CDH7: variants seen among roughly 807,000 people sequenced by gnomAD.
The protein encoded by CDH7 is cadherin 7.
In CDH7, 25 loss-of-function variants were observed where a neutral mutation model predicts 71.8. That is an observed-to-expected ratio of 0.35 (90% CI 0.25 to 0.49). The LOEUF is 0.49. Among genes scored for constraint, CDH7 ranks in the 20% least tolerant of loss-of-function variants. The probability of loss-of-function intolerance (pLI) is 0.99; values close to 1 mark genes in which losing one functional copy is unlikely to be tolerated. For synonymous variants in CDH7, 381 were observed against 363.8 expected (o/e 1.05, Z -0.54); for missense variants, 862 against 974.6 (o/e 0.88, Z 1.54).
intron 8 of CDH7, among the ~76,000 whole-genome samples, chr18:65,858,692 A>C (rs1913451380): frequency 6.6e-6 from 1 of 152,092 alleles, no homozygotes; most frequent in Admixed American, 6.6e-5. Flanking sequence ...ATGTATACAT[A>C]CACATATACG....
Position 65,843,950 on chromosome 18 carries a change from C to T in CDH7, c.1120C>T (p.Pro374Ser). 2 of 1,611,624 alleles carry T rather than the reference C, an allele frequency of 1.2e-6. No individual in the cohort carries two copies. The highest frequency in any genetic ancestry group is 8.5e-7 in the Non-Finnish European group (1 of 1,178,594). ...GATAATTGTGGAAGATGTAGATGAG[C>T]CCCCTGTGTTCTCTTCACCCTTGTA... ...VKIIVEDVDE[P>S]PVFSSPLYPM... Residue 374 changes from proline to serine, a missense_variant, in exon 7 of 12, where the codon CCC becomes TCC. Pro to Ser is a moderately conservative substitution (Grantham distance 74). Transcript: ENST00000397968.
chr18:65,784,481 T>C (rs1203439712), intron 2 of CDH7, among the ~76,000 whole-genome samples: 2 of 152,122 alleles, frequency 1.3e-5, no homozygotes, highest in East Asian at 3.9e-4. Flanking sequence ...GAGAATCAGC[T>C]TCTCACAAAG....
In CDH7 at chr18:65,862,830, A is replaced by T; in HGVS notation, c.1777A>T (p.Thr593Ser). ...CTGTGATGCTGACGGCGTAGCCCAG[A>T]CCTGCAATGCAGAGGCCTATGTCCT... ...CDCDADGVAQTCNAEAYVLPA... is the reference protein window; with the variant it reads ...CDCDADGVAQSCNAEAYVLPA... The change falls in exon 11 of 12, where the codon ACC becomes TCC. Residue 593 changes from threonine (T) to serine (S), a missense_variant. Physicochemically the swap from Thr to Ser is moderately conservative, Grantham distance 58. Transcript: ENST00000397968. 6.2e-7 allele frequency: 1 copy of T among 1,614,144 alleles called. No individual in the cohort carries two copies. The highest frequency in any genetic ancestry group is 1.1e-5 in the South Asian group (1 of 91,080).
chr18:65,809,709 C>T lies in CDH7; in HGVS notation c.216C>T (p.His72=). 1 of 1,612,218 alleles carries T rather than the reference C, an allele frequency of 6.2e-7. No homozygotes were observed. The highest frequency in any genetic ancestry group is 8.5e-7 in the Non-Finnish European group (1 of 1,178,568). ...TCACATGAATTTTTCACCAGCTTCA[C>T]TCTGATGTTGATAAAGGAGATGGTT... ...GSDPLYVGKL[H]SDVDKGDGSI... Residue 72 remains histidine (H), a synonymous_variant, in exon 3 of 12, where the codon CAC becomes CAT. Transcript: ENST00000397968.
chr18:65,778,146 C>T (rs1910022541), intron 2 of CDH7, among the ~76,000 whole-genome samples: 1 of 151,798 alleles, frequency 6.6e-6, no homozygotes, highest in Non-Finnish European at 1.5e-5. Flanking sequence ...GTGACACGCA[C>T]CTGTAATCCC....
chr18:65,813,978 T>C (rs1911634699), intron 3 of CDH7, among the ~76,000 whole-genome samples: 1 of 152,214 alleles, frequency 6.6e-6, no homozygotes, highest in Non-Finnish European at 1.5e-5. Context: ...AGCCACCTAA[T>C]ATACAGTTAG....
chr18:65,781,462 T>C (rs1401745087), intron 2 of CDH7, among the ~76,000 whole-genome samples: 1 of 152,146 alleles, frequency 6.6e-6, no homozygotes, highest in East Asian at 1.9e-4. Flanking sequence ...CAAGCATACA[T>C]AACCTAACTA....
At chr18:65,879,898 TTTTA>T (rs1240609441) in intron 11 of CDH7, among the ~76,000 whole-genome samples, 2 of 152,200 alleles carry the variant, frequency 1.3e-5, no homozygotes, top group African/African-American at 4.8e-5. Context: ...ACATGCTGGA[TTTTA>T]TTTAACAGTT....
chr18:65,772,331 A>G (rs747435073), intron 2 of CDH7, among the ~76,000 whole-genome samples: 1 of 152,186 alleles, frequency 6.6e-6, no homozygotes, highest in Non-Finnish European at 1.5e-5. Flanking sequence ...AAATAAGATA[A>G]AAATCGGCAT....
chr18:65,863,333 T>A (rs193004556), intron 11 of CDH7: 1 of 188,062 alleles, frequency 5.3e-6, no homozygotes, highest in East Asian at 1.3e-4. Context: ...CCACAGCTCC[T>A]GGCCTGGATG....
intron 2 of CDH7, among the ~76,000 whole-genome samples, chr18:65,799,513 TA>T (rs1270516067): frequency 5.9e-5 from 9 of 151,968 alleles, no homozygotes; most frequent in African/African-American, 2.2e-4. Context: ...CCGTCTCTAC[TA>T]AAAACACAAA....
In CDH7 at chr18:65,757,523, T is replaced by C. The variant is rs190946974; in HGVS notation, c.-196-5124T>C. Among the ~76,000 whole-genome samples the C allele has an allele frequency of 3.5e-3, 539 of 152,290 alleles. 17 individuals carry two copies. Among genetic ancestry groups the C allele is most frequent in the Admixed American group, 0.033 (512 of 15,288 alleles). The stretch of plus-strand genomic sequence containing the variant: ...TCAGTTTGTAAAACATGGAAAAATA[T>C]TATAAATTGTTTTTCAAAATACAAG... On this transcript the variant is annotated intron_variant, in intron 1 of 11. Transcript: ENST00000397968.
intron 7 of CDH7, among the ~76,000 whole-genome samples, chr18:65,847,778 G>A (rs1299617808): frequency 3.3e-5 from 5 of 152,070 alleles, no homozygotes; most frequent in African/African-American, 1.2e-4. Flanking sequence ...TAACACGATT[G>A]TGAATGTTAG....
In CDH7 at chr18:65,883,060, A is replaced by G. The variant is rs994290077; in HGVS notation, c.*2166A>G. 6.6e-6 allele frequency: 1 copy of G among 152,086 alleles called. No homozygotes were observed. The highest frequency in any genetic ancestry group is 2.4e-5 in the African/African-American group (1 of 41,438). The allele number at this position is 152,086 out of a possible 1,614,324, so 9.4% of individuals were successfully genotyped here. A position where few individuals can be genotyped will look rare whatever the true frequency, so the allele number is the denominator to read the frequency against. ...TCACCCTGCTTTTTCTGCTTTTAAA[A>G]TGTGTGTTTTTTCTCATTAATTTTT... On this transcript the variant is annotated 3_prime_UTR_variant, in exon 12 of 12. Transcript: ENST00000397968.
intron 1 of CDH7, among the ~76,000 whole-genome samples, chr18:65,760,401 G>A (rs1291180367): frequency 2.0e-5 from 3 of 152,240 alleles, no homozygotes; most frequent in Admixed American, 2.0e-4. Context: ...AACTCCTCAA[G>A]TATTGAATTC....
intron 2 of CDH7, among the ~76,000 whole-genome samples, chr18:65,808,345 C>A (rs1169980748): frequency 6.6e-6 from 1 of 152,088 alleles, no homozygotes; most frequent in African/African-American, 2.4e-5. Context: ...ATAATAGTAA[C>A]CCTAAAAATG....
rs373997595 is a variant in CDH7, at chr18:65,890,105, C to T, written c.*9211C>T. ...GGTGTCTCCCATTTTTTAATGGTAG[C>T]TTAACTTCACCTGAAGCCTCCTATG... is the stretch of plus-strand genomic sequence containing the variant. On this transcript the variant is annotated 3_prime_UTR_variant, in exon 12 of 12. Coordinates refer to ENST00000397968, the MANE Select transcript of CDH7 (RefSeq NM_004361.5). 2.6e-5 allele frequency: 4 copies of T among 152,054 alleles called. No individual in the cohort carries two copies. The highest frequency in any genetic ancestry group is 9.7e-5 in the African/African-American group (4 of 41,402). The allele number at this position is 152,054 out of a possible 1,614,324, so 9.4% of individuals were successfully genotyped here.
rs1914408374 is a variant in CDH7, at chr18:65,887,717, G to A, written c.*6823G>A. 1 of 152,064 alleles carries A rather than the reference G, an allele frequency of 6.6e-6. No homozygotes were observed. Among genetic ancestry groups the A allele is most frequent in the Admixed American group, 6.6e-5 (1 of 15,260 alleles). The allele number at this position is 152,064 out of a possible 1,614,324, so 9.4% of individuals were successfully genotyped here. On this transcript the variant is annotated 3_prime_UTR_variant, in exon 12 of 12. Transcript: ENST00000397968. ...TAAATATTTTCTTTTTAGCTTTTAAGATGTCTATTAGATCCAACCTCTACA... is the reference window on the plus strand; with the variant it reads ...TAAATATTTTCTTTTTAGCTTTTAAAATGTCTATTAGATCCAACCTCTACA...
At chr18:65,852,622 G>A (rs1913190121) in intron 7 of CDH7, among the ~76,000 whole-genome samples, 2 of 152,038 alleles carry the variant, frequency 1.3e-5, no homozygotes, top group Admixed American at 6.6e-5. Context: ...TTTTCAATTA[G>A]ACTATAGGCT....
Sources: gnomAD v4.1 joint callset for allele counts (sites outside exome capture counted in the v4.1 genomes callset) on GRCh38, gnomAD v4.1.1 for gene constraint, MANE v1.5 for transcripts, NCBI Gene and HGNC (gene_info 2026-07-23, HGNC 2026-07-21) for gene names.